TYW1B: variants seen among roughly 807,000 people sequenced by gnomAD.
TYW1B encodes S-adenosyl-L-methionine-dependent tRNA 4-demethylwyosine synthase TYW1B.
In TYW1B, 73 loss-of-function variants were observed where a neutral mutation model predicts 86.9. The ratio of observed to expected loss-of-function variants is 0.84; its 90% confidence interval spans 0.70 to 1.02. The LOEUF (loss-of-function observed/expected upper bound fraction) is 1.02. Among genes scored for constraint, TYW1B ranks in the 50% least tolerant of loss-of-function variants. The pLI is 0.00. For missense variants in TYW1B, 637 were observed against 827.4 expected (o/e 0.77, Z 2.82); for synonymous variants, 248 against 292.8 (o/e 0.85, Z 1.56).
At chr7:72,661,450 C>T (rs544228460) in intron 11 of TYW1B, among the ~76,000 whole-genome samples, 1 of 150,228 alleles carries the variant, frequency 6.7e-6, no homozygotes, top group African/African-American at 2.4e-5. Flanking sequence ...TGCACAAACA[C>T]AGGACAAAAC....
chr7:72,793,232 G>A (rs1257776762), intron 6 of TYW1B, among the ~76,000 whole-genome samples: 16 of 152,068 alleles, frequency 1.1e-4, no homozygotes, highest in African/African-American at 3.9e-4. Context: ...AGCTACTCGG[G>A]AGGCTGAGGC....
At chr7:72,697,654 A>G (rs528985397) in intron 10 of TYW1B, among the ~76,000 whole-genome samples, 78 of 152,304 alleles carry the variant, frequency 5.1e-4, no homozygotes, top group African/African-American at 1.8e-3. Flanking sequence ...CAAAATCACC[A>G]TAATAATTCC....
At chr7:72,632,264 A>AATATAT (rs567073853) in intron 11 of TYW1B, among the ~76,000 whole-genome samples, 15 of 105,742 alleles carry the variant, frequency 1.4e-4, no homozygotes, top group African/African-American at 6.0e-4. Flanking sequence ...GTCTCCAAAA[A>AATATAT]ATATATATAT....
chr7:72,744,680 A>G, intron 7 of TYW1B, 79 bp from the exon 8 acceptor site: 7 of 1,439,392 alleles, frequency 4.9e-6, no homozygotes, highest in Non-Finnish European at 6.8e-6. Context: ...CATTTTTAAG[A>G]GAAACCATGT....
At chr7:72,752,299 G>A (rs1303042784) in intron 7 of TYW1B, among the ~76,000 whole-genome samples, 1 of 85,016 alleles carries the variant, frequency 1.2e-5, no homozygotes, top group Admixed American at 1.4e-4. Context: ...CAAATCAGTG[G>A]TTTCCAGGAA....
chr7:72,591,824 A>C (rs1312295279), intron 13 of TYW1B, among the ~76,000 whole-genome samples: 3 of 147,036 alleles, frequency 2.0e-5, no homozygotes, highest in Non-Finnish European at 4.7e-5. Context: ...TTTTTCTTTT[A>C]TTTTTATTTT....
chr7:72,681,634 G>T (rs1374695238), intron 11 of TYW1B, among the ~76,000 whole-genome samples: 1 of 127,834 alleles, frequency 7.8e-6, no homozygotes, highest in Non-Finnish European at 1.6e-5. Flanking sequence ...TCGCTCTGTC[G>T]CCCAGGCTGG....
chr7:72,739,176 T>C (rs1403693600), intron 8 of TYW1B, among the ~76,000 whole-genome samples: 4 of 152,176 alleles, frequency 2.6e-5, no homozygotes, highest in Non-Finnish European at 4.4e-5. Context: ...TAAAACAATA[T>C]GATGGCAAGG....
chr7:72,758,145 G>A (rs192059961), intron 7 of TYW1B, among the ~76,000 whole-genome samples: 6 of 152,166 alleles, frequency 3.9e-5, no homozygotes, highest in Non-Finnish European at 8.8e-5. Context: ...CCTTAAACCC[G>A]GGAGGCAGAG....
intron 11 of TYW1B, among the ~76,000 whole-genome samples, chr7:72,694,040 G>A (rs782488763): frequency 1.4e-4 from 21 of 151,804 alleles, no homozygotes; most frequent in African/African-American, 1.2e-4. Context: ...GGCTCACTGC[G>A]GCCTCCACCT....
At position 72,575,363 on chromosome 7, in the gene TYW1B, T is replaced by A; in HGVS notation, c.*135A>T. 5.5e-6 allele frequency: 8 copies of A among 1,450,802 alleles called. No homozygotes were observed. Among genetic ancestry groups the A allele is most frequent in the Non-Finnish European group, 7.3e-6 (8 of 1,101,214 alleles). The allele number at this position is 1,450,802 out of a possible 1,614,324, so 89.9% of individuals were successfully genotyped here. A position where few individuals can be genotyped will look rare whatever the true frequency, so the allele number is the denominator to read the frequency against. Reference sequence around the variant, plus strand: ...GTGGACGCTGTCCCCCGTGTCTCCATGTTTACTGCCTTATCGTCTCCTTTG... The same window carrying A: ...GTGGACGCTGTCCCCCGTGTCTCCAAGTTTACTGCCTTATCGTCTCCTTTG... On this transcript the variant is annotated 3_prime_UTR_variant, in exon 14 of 14. Transcript: ENST00000620995.
At chr7:72,760,313 A>G (rs192733231) in intron 7 of TYW1B, among the ~76,000 whole-genome samples, 22 of 152,328 alleles carry the variant, frequency 1.4e-4, no homozygotes, top group Admixed American at 1.4e-3. Context: ...AGTGCATGAA[A>G]ACTGCTGTAC....
In TYW1B at chr7:72,713,776, T is replaced by A; in HGVS notation, c.1215A>T (p.Glu405Asp). ...TTACCGTCATTCCTTCTTCAAAGCG[T>A]TCTGCTTTGACGCCCGGTACTCCTG... ...QFKGVPGVKA[E>D]RFEEGMTVKH... Residue 405 changes from glutamate to aspartate, a missense_variant, in exon 10 of 14, where the codon GAA becomes GAT. Transcript: ENST00000620995. The A allele has an allele frequency of 6.3e-7, 1 of 1,596,030 alleles. No homozygotes were observed.
At chr7:72,676,630 T>C (rs1813741848) in intron 11 of TYW1B, among the ~76,000 whole-genome samples, 1 of 152,028 alleles carries the variant, frequency 6.6e-6, no homozygotes, top group Non-Finnish European at 1.5e-5. Flanking sequence ...ACCCAGTTAG[T>C]TGGATGCTTC....
chr7:72,716,075 G>A (rs373824522), intron 9 of TYW1B, among the ~76,000 whole-genome samples: 5 of 152,010 alleles, frequency 3.3e-5, no homozygotes, highest in Admixed American at 1.3e-4. Context: ...GGACTACACC[G>A]GGCTGGTGCC....
At chr7:72,826,311 G>A (rs1452835991) in intron 2 of TYW1B, among the ~76,000 whole-genome samples, 1 of 152,158 alleles carries the variant, frequency 6.6e-6, no homozygotes, top group Non-Finnish European at 1.5e-5. Context: ...AGGTAGCACA[G>A]ATACTGACAC....
chr7:72,754,624 G>A (rs1176410735), intron 7 of TYW1B, among the ~76,000 whole-genome samples: 1 of 151,942 alleles, frequency 6.6e-6, no homozygotes, highest in Non-Finnish European at 1.5e-5. Context: ...TTTTTGAAGA[G>A]ATGGGGTTTC....
At position 72,826,870 on chromosome 7, in the gene TYW1B, A is replaced by C. The variant is rs547214941; in HGVS notation, c.120T>G (p.Ile40Met). Residue 40 changes from isoleucine to methionine, a missense_variant, in exon 2 of 14, where the codon ATT (isoleucine) becomes ATG (methionine). Coordinates refer to ENST00000620995, the MANE Select transcript of TYW1B (RefSeq NM_001145440.3). The part of the protein sequence containing the change: ...VSISLWICVQ[I>M]VIEMQGFATV... ...CTCCACTTACCTGCATCTCGATGACAATCTGGACACAAATCCAAAGGCTAA... is the reference window on the plus strand; with the variant it reads ...CTCCACTTACCTGCATCTCGATGACCATCTGGACACAAATCCAAAGGCTAA... 6.2e-7 allele frequency: 1 copy of C among 1,612,746 alleles called. No homozygotes were observed. The highest frequency in any genetic ancestry group is 1.3e-5 in the African/African-American group (1 of 74,968).
intron 7 of TYW1B, among the ~76,000 whole-genome samples, chr7:72,766,617 A>AC (rs1157747613): frequency 7.0e-6 from 1 of 143,458 alleles, no homozygotes; most frequent in Non-Finnish European, 1.5e-5. Context: ...CAGTCTCAAA[A>AC]AAAAAAAAAA....
Sources: gnomAD v4.1 joint callset for allele counts (sites outside exome capture counted in the v4.1 genomes callset) on GRCh38, gnomAD v4.1.1 for gene constraint, MANE v1.5 for transcripts, NCBI Gene and HGNC (gene_info 2026-07-23, HGNC 2026-07-21) for gene names.